Variants in PSG6 observed in about 807,000 individuals in gnomAD.
The protein encoded by PSG6 is pregnancy specific beta-1-glycoprotein 6.
Under a neutral mutation model 43.3 loss-of-function variants are expected in PSG6, and 51 were observed. That is an observed-to-expected ratio of 1.18 (90% CI 0.94 to 1.49). PSG6 has a LOEUF of 1.49. Among genes scored for constraint, PSG6 ranks in the 40% most tolerant of loss-of-function variants. The pLI is 0.00. For synonymous variants in PSG6, 292 were observed against 197.6 expected (o/e 1.48, Z -4.01); for missense variants, 770 against 522.2 (o/e 1.47, Z -4.62).
chr19:42,903,747 G>C (rs773718582), intron 5 of PSG6: 4 of 1,516,500 alleles, frequency 2.6e-6, no homozygotes, highest in Non-Finnish European at 2.6e-6. Flanking sequence ...AAACCAATTA[G>C]CTGGGCATGT....
chr19:42,906,048 T>G (rs1357163586), intron 5 of PSG6, among the ~76,000 whole-genome samples: 1 of 151,558 alleles, frequency 6.6e-6, no homozygotes, highest in African/African-American at 2.4e-5. Flanking sequence ...AAGTCTAATA[T>G]TAGATATATA....
intron 2 of PSG6, chr19:42,915,703 C>A: frequency 8.1e-6 from 2 of 247,868 alleles, no homozygotes; most frequent in East Asian, 1.7e-4. Context: ...CTCAGCTTTA[C>A]CTGGAGCAAG....
At position 42,908,521 on chromosome 19, in the gene PSG6, C is replaced by G. The variant is rs761234564; in HGVS notation, c.707-667G>C. Among the ~76,000 whole-genome samples the G allele has an allele frequency of 2.0e-4, 30 of 151,724 alleles. 1 individual carries two copies. Among genetic ancestry groups the G allele is most frequent in the Non-Finnish European group, 3.8e-4 (26 of 67,926 alleles). ...GATAGAGCAGAGTGCAAGGAATGATCTAGAAAGAGTGAAGGGGACAGGCAA... is the reference window on the plus strand; with the variant it reads ...GATAGAGCAGAGTGCAAGGAATGATGTAGAAAGAGTGAAGGGGACAGGCAA... On this transcript the variant is annotated intron_variant, in intron 3 of 5. Coordinates refer to ENST00000187910, the MANE Select transcript of PSG6 (RefSeq NM_001031850.4).
In PSG6 at chr19:42,902,089, A is replaced by G. The variant is rs1459367880; in HGVS notation, c.*323T>C. On this transcript the variant is annotated 3_prime_UTR_variant, in exon 6 of 6. Transcript: ENST00000187910. The stretch of plus-strand genomic sequence containing the variant: ...TATAAAGAGAGCAGATTCTTACTGA[A>G]CTTGTGCAAATAACTTTATTACCAT... 2 of 252,802 alleles carry G rather than the reference A, an allele frequency of 7.9e-6. No homozygotes were observed. Among genetic ancestry groups the G allele is most frequent in the East Asian group, 1.8e-4 (2 of 11,258 alleles). 15.7% of individuals were successfully genotyped at this position (252,802 alleles called of 1,614,324 possible).
chr19:42,907,071 G>T lies in PSG6; in HGVS notation c.1091C>A (p.Ser364Tyr). The T allele has an allele frequency of 6.2e-7, 1 of 1,612,674 alleles. No individual in the cohort carries two copies. The highest frequency in any genetic ancestry group is 1.1e-5 in the South Asian group (1 of 90,840). The change falls in exon 5 of 6, where the codon TCT (serine) becomes TAT (tyrosine). Residue 364 changes from serine to tyrosine, a missense_variant. Coordinates refer to ENST00000187910, the MANE Select transcript of PSG6 (RefSeq NM_001031850.4). The part of the protein sequence containing the change: ...FADSNPPAEY[S>Y]WTINGKFQLS... ...CTGAAACTTCCCATTAATTGTCCAA[G>T]AATACTCTGCCGGTGGGTTAGAGTC...
chr19:42,915,824 G>C, intron 2 of PSG6: 2 of 518,684 alleles, frequency 3.9e-6, no homozygotes. Flanking sequence ...GTCTTTCTCA[G>C]GGTCAAATTT....
rs1203637726 is a variant in PSG6, at chr19:42,917,816, C to A, written c.-24G>T. On this transcript the variant is annotated 5_prime_UTR_variant, in exon 1 of 6. Coordinates refer to ENST00000187910, the MANE Select transcript of PSG6 (RefSeq NM_001031850.4). ...ATGGTCTCTGCTGTCTGTGTGTTCT[C>A]CCCTGTGGAGATGAGCCTAGGATCC... 5.0e-6 allele frequency: 8 copies of A among 1,604,516 alleles called. No homozygotes were observed. The highest frequency in any genetic ancestry group is 1.3e-5 in the African/African-American group (1 of 74,398).
intron 2 of PSG6, among the ~76,000 whole-genome samples, chr19:42,913,018 C>A (rs1199488801): frequency 6.6e-6 from 1 of 151,580 alleles, no homozygotes; most frequent in Non-Finnish European, 1.5e-5. Flanking sequence ...ATATGTTGTT[C>A]CGCTTTTTTT....
Position 42,909,863 on chromosome 19 carries a change from C to T in PSG6, c.706+717G>A, listed in dbSNP as rs746586118. Reference sequence around the variant, plus strand: ...CAGAGAGCAGGTGGCTCTTCCCTGACAGCTAGATAGACTTTACTGGAAAAC... The same window carrying T: ...CAGAGAGCAGGTGGCTCTTCCCTGATAGCTAGATAGACTTTACTGGAAAAC... On this transcript the variant is annotated intron_variant, in intron 3 of 5. Coordinates refer to ENST00000187910, the MANE Select transcript of PSG6 (RefSeq NM_001031850.4). 1.9e-4 allele frequency: 29 copies of T among 155,244 alleles called. 1 individual carries two copies. The highest frequency in any genetic ancestry group is 5.3e-4 in the East Asian group (3 of 5,634). The allele number at this position is 155,244 out of a possible 1,614,324, so 9.6% of individuals were successfully genotyped here. A position where few individuals can be genotyped will look rare whatever the true frequency, so the allele number is the denominator to read the frequency against.
intron 2 of PSG6, 150 bp from the exon 3 acceptor site, chr19:42,911,008 T>C: frequency 1.4e-6 from 2 of 1,451,758 alleles, no homozygotes; most frequent in East Asian, 2.3e-5. Context: ...GACAGATGCA[T>C]GGCAACCTGA....
rs773909456 is a variant in PSG6 at position 42,910,487 on chromosome 19, G to A, written c.706+93C>T. On this transcript the variant is annotated intron_variant, in intron 3 of 5. Transcript: ENST00000187910. The stretch of plus-strand genomic sequence containing the variant: ...TTGATGTTCAGGGATAAAGGTCTCT[G>A]TACTTGGACCTGAGAGGGACTGAGA... 1.6e-5 allele frequency: 25 copies of A among 1,611,794 alleles called. 2 individuals are homozygous for A. The South Asian group carries it at 2.5e-4, about 16-fold the overall frequency.
chr19:42,914,147 C>G (rs1449619238), intron 2 of PSG6, among the ~76,000 whole-genome samples: 2 of 151,534 alleles, frequency 1.3e-5, no homozygotes, highest in Admixed American at 6.6e-5. Context: ...ACAGGTCAGC[C>G]TCACAAAGGG....
rs150381514 is a variant in PSG6 at position 42,917,845 on chromosome 19, G to C, written c.-53C>G. ...TGTGGAGATGAGCCTAGGATCCAGA[G>C]ACTTCCTGAGCAGGGCTGTCAGGTG... On this transcript the variant is annotated 5_prime_UTR_variant, in exon 1 of 6. Transcript: ENST00000187910. 3 of 1,584,768 alleles carry C rather than the reference G, an allele frequency of 1.9e-6. No homozygotes were observed. In the African/African-American group the frequency reaches 4.1e-5, roughly 21 times the overall value.
Position 42,907,662 on chromosome 19 carries a change from G to C in PSG6, c.899C>G (p.Thr300Arg), listed in dbSNP as rs750179815. 1.2e-6 allele frequency: 2 copies of C among 1,611,204 alleles called. No homozygotes were observed. The highest frequency in any genetic ancestry group is 1.7e-6 in the Non-Finnish European group (2 of 1,179,124). Residue 300 changes from threonine (T) to arginine (R), a missense_variant, in exon 4 of 6, where the codon ACG becomes AGG. By Grantham distance (71) the Thr-to-Arg change is moderately conservative. Transcript: ENST00000187910. ...ENRILILPSV[T>R]RNETGPYQCE... is the part of the protein sequence containing the mutation. ...TTGATAGGGTCCTGTTTCATTTCTC[G>C]TGACACTGGGTAGAATGAGTATCCT...
chr19:42,902,561 G>A, intron 5 of PSG6, 115 bp from the exon 6 acceptor site: 3 of 1,448,580 alleles, frequency 2.1e-6, no homozygotes, highest in Non-Finnish European at 2.8e-6. Context: ...AGTTCTCCGA[G>A]GCTCTCTTTA....
At chr19:42,914,804 G>C (rs565679797) in intron 2 of PSG6, among the ~76,000 whole-genome samples, 1 of 151,788 alleles carries the variant, frequency 6.6e-6, no homozygotes, top group East Asian at 1.9e-4. Flanking sequence ...TGCTGAGGCA[G>C]GGTGTGAGTG....
intron 3 of PSG6, among the ~76,000 whole-genome samples, chr19:42,909,190 CA>C (rs1235063960): frequency 1.3e-5 from 2 of 151,524 alleles, no homozygotes; most frequent in Non-Finnish European, 2.9e-5. Context: ...GGTGATAAGC[CA>C]GATATATTCT....
Position 42,916,293 on chromosome 19 carries a change from G to T in PSG6, c.259C>A (p.Gln87Lys), listed in dbSNP as rs140306428. The change falls in exon 2 of 6, where the codon CAA (glutamine) becomes AAA (lysine). Residue 87 changes from glutamine (Q) to lysine (K), a missense_variant. Transcript: ENST00000187910. ...HYITSYVVHG[Q>K]IIYGPAYSGR... The stretch of plus-strand genomic sequence containing the variant: ...CTGTAGGCAGGCCCATATATAATTT[G>T]ACCGTGTACTACATATGATGTAATG... 108 of 1,611,974 alleles carry T rather than the reference G, an allele frequency of 6.7e-5. 2 individuals are homozygous for T. The highest frequency in any genetic ancestry group is 3.3e-4 in the Middle Eastern group (2 of 6,078).
intron 3 of PSG6, chr19:42,910,321 G>C: frequency 2.1e-6 from 2 of 934,856 alleles, no homozygotes; most frequent in East Asian, 2.8e-5. Context: ...CACTGATCTG[G>C]AGCCTGAGAC....
Sources: gnomAD v4.1 joint callset for allele counts (sites outside exome capture counted in the v4.1 genomes callset) on GRCh38, gnomAD v4.1.1 for gene constraint, MANE v1.5 for transcripts, NCBI Gene and HGNC (gene_info 2026-07-23, HGNC 2026-07-21) for gene names.